Variants in CSMD1 observed in about 807,000 individuals in gnomAD.
CSMD1 encodes CUB and Sushi multiple domains 1.
CSMD1 carries 213 observed loss-of-function variants against 417.5 expected under a neutral mutation model. The observed-to-expected ratio is 0.51, with a 90% CI of 0.46 to 0.57. The LOEUF is 0.57. CSMD1 is among the 20% of genes least tolerant of loss of function. The pLI is 0.00. For synonymous variants in CSMD1, 2,862 were observed against 1,736.8 expected, an observed-to-expected ratio of 1.65 and a Z score of -16.11; for missense variants, 6,923 against 4,529.7, an observed-to-expected ratio of 1.53 and a Z score of -15.17.
intron 3 of CSMD1, among the ~76,000 whole-genome samples, chr8:4,347,910 A>G (rs1468573228): frequency 1.2e-4 from 19 of 152,218 alleles, no homozygotes. Flanking sequence ...AAAAAGTTAA[A>G]TAAACAAGGA....
chr8:4,272,642 C>T (rs1372205425), intron 3 of CSMD1, among the ~76,000 whole-genome samples: 1 of 152,128 alleles, frequency 6.6e-6, no homozygotes, highest in Non-Finnish European at 1.5e-5. Flanking sequence ...GAAATAATTG[C>T]ATTCTTCCTA....
At chr8:4,126,522 A>T (rs1223971527) in intron 3 of CSMD1, among the ~76,000 whole-genome samples, 1 of 152,138 alleles carries the variant, frequency 6.6e-6, no homozygotes, top group African/African-American at 2.4e-5. Flanking sequence ...TCTCCCACTG[A>T]TGGTCAGTGC....
At position 4,889,578 on chromosome 8, in the gene CSMD1, T is replaced by C. The variant is rs142784628; in HGVS notation, c.85+104754A>G. ...GTTATTTTTAAACTGTCTATAAGTG[T>C]GAAATGTCAAAAAAATAGAAAAAAA... On this transcript the variant is annotated intron_variant, in intron 1 of 69. Coordinates refer to ENST00000635120, the MANE Select transcript of CSMD1 (RefSeq NM_033225.6). Among the ~76,000 whole-genome samples, 481 of 152,106 alleles carry C rather than the reference T, an allele frequency of 3.2e-3. 2 individuals carry two copies. Among genetic ancestry groups the C allele is most frequent in the Non-Finnish European group, 5.4e-3 (365 of 68,010 alleles).
intron 6 of CSMD1, among the ~76,000 whole-genome samples, chr8:3,722,065 G>A (rs186270319): frequency 1.3e-5 from 2 of 152,122 alleles, no homozygotes; most frequent in Admixed American, 6.5e-5. Flanking sequence ...GGAAGAGGCC[G>A]GGCAAAGTGG....
intron 3 of CSMD1, among the ~76,000 whole-genome samples, chr8:4,075,572 C>T (rs150044428): frequency 2.2e-3 from 337 of 152,142 alleles, no homozygotes; most frequent in African/African-American, 7.5e-3. Flanking sequence ...AAATATTAAA[C>T]GATGATTAAT....
At chr8:3,000,494 G>C (rs1807305404) in intron 52 of CSMD1, among the ~76,000 whole-genome samples, 1 of 152,078 alleles carries the variant, frequency 6.6e-6, no homozygotes, top group South Asian at 2.1e-4. Context: ...AACATGAACA[G>C]GGCTTCTTAA....
chr8:4,034,702 C>T (rs1346431680), intron 3 of CSMD1, among the ~76,000 whole-genome samples: 1 of 152,080 alleles, frequency 6.6e-6, no homozygotes, highest in Non-Finnish European at 1.5e-5. Context: ...AACATGTGGA[C>T]AAAAGCTTTT....
At chr8:4,228,241 T>A (rs1625889) in intron 3 of CSMD1, among the ~76,000 whole-genome samples, 70,919 of 152,032 alleles carry the variant, frequency 0.47, 18,637 homozygotes, top group Non-Finnish European at 0.6. Context: ...GTAAAAATAT[T>A]TGCCTTCCTG....
At chr8:3,791,760 T>C (rs956463535) in intron 5 of CSMD1, among the ~76,000 whole-genome samples, 1 of 152,100 alleles carries the variant, frequency 6.6e-6, no homozygotes, top group Non-Finnish European at 1.5e-5. Flanking sequence ...GAGGTGGAAG[T>C]TGCAGTGAGC....
intron 3 of CSMD1, among the ~76,000 whole-genome samples, chr8:4,255,161 C>A (rs1392158596): frequency 2.0e-5 from 3 of 152,186 alleles, no homozygotes; most frequent in Non-Finnish European, 4.4e-5. Context: ...ATACATAGAG[C>A]TTTATCCCAT....
At chr8:3,180,194 C>G (rs1419072396) in intron 37 of CSMD1, among the ~76,000 whole-genome samples, 1 of 152,160 alleles carries the variant, frequency 6.6e-6, no homozygotes, top group East Asian at 1.9e-4. Flanking sequence ...CAAGGTTTAC[C>G]TGCATAATCA....
At chr8:3,377,019 T>C (rs182250930) in intron 18 of CSMD1, among the ~76,000 whole-genome samples, 3 of 152,352 alleles carry the variant, frequency 2.0e-5, no homozygotes, top group South Asian at 2.1e-4. Flanking sequence ...AATAGCTCTT[T>C]CTTTGTGGAG....
At chr8:4,488,156 T>A (rs779140239) in intron 2 of CSMD1, among the ~76,000 whole-genome samples, 3 of 152,188 alleles carry the variant, frequency 2.0e-5, no homozygotes, top group Non-Finnish European at 2.9e-5. Flanking sequence ...ACCTTGATCT[T>A]CGACTTACAG....
intron 2 of CSMD1, among the ~76,000 whole-genome samples, chr8:4,627,806 G>C (rs1008879230): frequency 6.6e-6 from 1 of 152,084 alleles, no homozygotes; most frequent in Non-Finnish European, 1.5e-5. Flanking sequence ...CATATGAATA[G>C]TATAGGAATA....
chr8:3,430,026 G>C (rs951190335), intron 12 of CSMD1, among the ~76,000 whole-genome samples: 1 of 152,098 alleles, frequency 6.6e-6, no homozygotes, highest in Non-Finnish European at 1.5e-5. Flanking sequence ...AATTATAAAA[G>C]AGGATAAATC....
At chr8:4,692,470 A>T (rs1806830636) in intron 1 of CSMD1, among the ~76,000 whole-genome samples, 1 of 152,206 alleles carries the variant, frequency 6.6e-6, no homozygotes, top group Non-Finnish European at 1.5e-5. Flanking sequence ...ATGGTCGACC[A>T]CATGGGAGTT....
chr8:4,615,302 A>C (rs1801412523), intron 2 of CSMD1, among the ~76,000 whole-genome samples: 1 of 152,222 alleles, frequency 6.6e-6, no homozygotes, highest in African/African-American at 2.4e-5. Flanking sequence ...CATTGGGTTT[A>C]CGCAGTATCT....
At chr8:3,965,269 T>C (rs190841269) in intron 5 of CSMD1, among the ~76,000 whole-genome samples, 50 of 152,302 alleles carry the variant, frequency 3.3e-4, no homozygotes, top group South Asian at 1.0e-3. Context: ...TCTCCTCCCT[T>C]AAACAGGGAA....
chr8:3,234,027 C>T (rs1442787940), intron 26 of CSMD1, among the ~76,000 whole-genome samples: 1 of 152,138 alleles, frequency 6.6e-6, no homozygotes, highest in African/African-American at 2.4e-5. Flanking sequence ...GTAGAACACC[C>T]TTTGGTGTTC....
Sources: gnomAD v4.1 joint callset for allele counts (sites outside exome capture counted in the v4.1 genomes callset) on GRCh38, gnomAD v4.1.1 for gene constraint, MANE v1.5 for transcripts, NCBI Gene and HGNC (gene_info 2026-07-23, HGNC 2026-07-21) for gene names.